MCCC2: variants seen among roughly 807,000 people sequenced by gnomAD.
MCCC2 encodes methylcrotonoyl-CoA carboxylase beta chain, mitochondrial.
A neutral mutation model predicts 77.2 loss-of-function variants in MCCC2; 52 were observed. That is an observed-to-expected ratio of 0.67 (90% CI 0.54 to 0.85). The LOEUF (loss-of-function observed/expected upper bound fraction) is 0.85, where lower values mean the gene tolerates loss of function less well. Ranked by LOEUF, MCCC2 falls within the 40% of genes least tolerant of loss-of-function variation. The probability of loss-of-function intolerance (pLI) is 0.00; values close to 1 mark genes in which losing one functional copy is unlikely to be tolerated. For synonymous variants in MCCC2, 253 were observed against 248.4 expected, an observed-to-expected ratio of 1.02 and a Z score of -0.18; for missense variants, 682 against 703.2, an observed-to-expected ratio of 0.97 and a Z score of 0.34.
At chr5:71,588,601 C>T (rs1744851825) in intron 1 of MCCC2, among the ~76,000 whole-genome samples, 2 of 152,230 alleles carry the variant, frequency 1.3e-5, no homozygotes, top group South Asian at 4.1e-4. Flanking sequence ...GACAAGAAAG[C>T]AGGTAACTGT....
intron 3 of MCCC2, 105 bp downstream of exon 3, chr5:71,596,469 A>T (rs1020457601): frequency 1.3e-5 from 13 of 1,020,110 alleles, no homozygotes; most frequent in Non-Finnish European, 1.8e-5. Context: ...TCATCGTAAG[A>T]TTCAGGAACA....
At chr5:71,605,382 T>A (rs1394034824) in intron 6 of MCCC2, among the ~76,000 whole-genome samples, 1 of 152,010 alleles carries the variant, frequency 6.6e-6, no homozygotes, top group Non-Finnish European at 1.5e-5. Context: ...AATGTCTTCT[T>A]CTGAGAAGTG....
intron 1 of MCCC2, among the ~76,000 whole-genome samples, chr5:71,590,374 T>A (rs1233585985): frequency 6.6e-6 from 1 of 152,240 alleles, no homozygotes; most frequent in Non-Finnish European, 1.5e-5. Flanking sequence ...GCCCAGTCTG[T>A]AGAGGCAAAT....
chr5:71,592,869 T>C, intron 1 of MCCC2, 57 bp from the exon 2 acceptor site: 1 of 1,265,984 alleles, frequency 7.9e-7, no homozygotes, highest in Non-Finnish European at 1.1e-6. Flanking sequence ...TTTATTTTGG[T>C]AAAAAGGAAT....
At chr5:71,599,841 A>T in intron 4 of MCCC2, 81 bp downstream of exon 4, 1 of 1,102,466 alleles carries the variant, frequency 9.1e-7, no homozygotes, top group Admixed American at 1.7e-5. Flanking sequence ...CTCACTTTGC[A>T]TATTAGCATG....
chr5:71,599,999 C>G (rs1745360454), intron 4 of MCCC2, among the ~76,000 whole-genome samples: 1 of 151,906 alleles, frequency 6.6e-6, no homozygotes, highest in Non-Finnish European at 1.5e-5. Context: ...AACCCTGTCT[C>G]TACTAAAAAT....
intron 10 of MCCC2, chr5:71,636,209 T>C (rs1055195946): frequency 6.4e-6 from 2 of 311,700 alleles, no homozygotes; most frequent in African/African-American, 4.4e-5. Flanking sequence ...TTGATGGATA[T>C]AATGTTCTGT....
chr5:71,614,839 C>T (rs1254170289), intron 6 of MCCC2, among the ~76,000 whole-genome samples: 1 of 152,112 alleles, frequency 6.6e-6, no homozygotes, highest in African/African-American at 2.4e-5. Context: ...TTTCTTCTCA[C>T]ACCCCAAAAT....
intron 12 of MCCC2, among the ~76,000 whole-genome samples, chr5:71,645,108 T>C (rs766408883): frequency 6.6e-6 from 1 of 152,200 alleles, no homozygotes; most frequent in Non-Finnish European, 1.5e-5. Flanking sequence ...CTTATTTCAA[T>C]AGAGGAAATG....
intron 6 of MCCC2, among the ~76,000 whole-genome samples, chr5:71,621,739 G>A (rs549010455): frequency 2.6e-5 from 4 of 151,918 alleles, no homozygotes; most frequent in African/African-American, 7.2e-5. Context: ...GATTACCAGA[G>A]GCTGGGAATG....
intron 13 of MCCC2, among the ~76,000 whole-genome samples, chr5:71,647,084 C>T (rs745317982): frequency 6.6e-6 from 1 of 152,132 alleles, no homozygotes; most frequent in Non-Finnish European, 1.5e-5. Flanking sequence ...AGTGAATTCT[C>T]TGATTCTCTG....
Position 71,641,621 on chromosome 5 carries a change from T to G in MCCC2, c.1072+546T>G, listed in dbSNP as rs1747125155. Among the ~76,000 whole-genome samples the G allele has an allele frequency of 2.0e-5, 3 of 152,206 alleles. No homozygotes were observed. The South Asian group carries it at 6.2e-4, about 31-fold the overall frequency. ...ATAAGGATGTTTATAAAAGTTAATT[T>G]TTTAAATCTAAACTGTTTAGTTTAT... is the stretch of plus-strand genomic sequence containing the variant. On this transcript the variant is annotated intron_variant, in intron 11 of 16. Coordinates refer to ENST00000340941, the MANE Select transcript of MCCC2 (RefSeq NM_022132.5).
chr5:71,597,758 A>G (rs1580275131), intron 3 of MCCC2, among the ~76,000 whole-genome samples: 1 of 152,222 alleles, frequency 6.6e-6, no homozygotes, highest in Non-Finnish European at 1.5e-5. Flanking sequence ...GTATGCATAT[A>G]TATATACCAG....
chr5:71,618,527 TCC>T (rs1320172936), intron 6 of MCCC2, among the ~76,000 whole-genome samples: 1,181 of 64,086 alleles, frequency 0.018, 28 homozygotes, highest in African/African-American at 0.05. Flanking sequence ...CTTCCTTCCT[TCC>T]TTCCTTCCTT....
intron 6 of MCCC2, among the ~76,000 whole-genome samples, chr5:71,620,616 G>C (rs926024013): frequency 1.2e-4 from 18 of 152,116 alleles, no homozygotes; most frequent in Admixed American, 1.1e-3. Flanking sequence ...TATGTAATTT[G>C]CTTTTGGTGC....
At chr5:71,618,511 T>G (rs544508529) in intron 6 of MCCC2, among the ~76,000 whole-genome samples, 11 of 68,406 alleles carry the variant, frequency 1.6e-4, no homozygotes, top group Admixed American at 4.7e-4. Context: ...CTTCCTTCCT[T>G]CCTTCCTTCC....
chr5:71,603,808 T>C (rs1341124171), intron 5 of MCCC2, among the ~76,000 whole-genome samples: 4 of 152,218 alleles, frequency 2.6e-5, no homozygotes, highest in African/African-American at 9.6e-5. Flanking sequence ...CATCCTAATA[T>C]ATGATATGGC....
intron 7 of MCCC2, among the ~76,000 whole-genome samples, chr5:71,631,119 CAG>C (rs1194152857): frequency 2.6e-5 from 4 of 152,064 alleles, no homozygotes; most frequent in Non-Finnish European, 5.9e-5. Context: ...CTTTCCTATG[CAG>C]AGTTTGTGAT....
intron 2 of MCCC2, among the ~76,000 whole-genome samples, chr5:71,595,723 GAGC>G (rs780793693): frequency 5.3e-5 from 8 of 152,130 alleles, no homozygotes; most frequent in Non-Finnish European, 7.3e-5. Flanking sequence ...GTCATGATGT[GAGC>G]AATGTTGAGA....
Sources: gnomAD v4.1 joint callset for allele counts (sites outside exome capture counted in the v4.1 genomes callset) on GRCh38, gnomAD v4.1.1 for gene constraint, MANE v1.5 for transcripts, NCBI Gene and HGNC (gene_info 2026-07-23, HGNC 2026-07-21) for gene names.